Variants in CC2D2B observed in about 807,000 individuals in gnomAD.
CC2D2B encodes protein CC2D2B.
In CC2D2B, 128 loss-of-function variants were observed where a neutral mutation model predicts 161.2. That is an observed-to-expected ratio of 0.79 (90% CI 0.69 to 0.92). The LOEUF (loss-of-function observed/expected upper bound fraction) is 0.92, where lower values mean the gene tolerates loss of function less well. Ranked by LOEUF, CC2D2B falls within the 40% of genes least tolerant of loss-of-function variation. The probability of loss-of-function intolerance (pLI) is 0.00; values close to 1 mark genes in which losing one functional copy is unlikely to be tolerated. For missense variants in CC2D2B, 1,173 were observed against 1,375.1 expected (o/e 0.85, Z 2.32); for synonymous variants, 391 against 449.8 (o/e 0.87, Z 1.65).
At chr10:95,989,089 A>G (rs1021629757) in intron 20 of CC2D2B, among the ~76,000 whole-genome samples, 1 of 152,196 alleles carries the variant, frequency 6.6e-6, no homozygotes, top group Non-Finnish European at 1.5e-5. Flanking sequence ...TTGCAGGGTA[A>G]TTTGAAAAGA....
chr10:95,987,546 A>G (rs1022594941), intron 19 of CC2D2B, among the ~76,000 whole-genome samples: 2 of 152,178 alleles, frequency 1.3e-5, no homozygotes, highest in African/African-American at 4.8e-5. Context: ...ATAATATAAA[A>G]TCATTTCCAA....
chr10:95,975,111 G>A (rs565473463), intron 17 of CC2D2B, among the ~76,000 whole-genome samples: 3 of 152,120 alleles, frequency 2.0e-5, no homozygotes, highest in Non-Finnish European at 4.4e-5. Flanking sequence ...GGGTACATGG[G>A]AACTCTCTGT....
At chr10:96,031,682 A>G in intron 34 of CC2D2B, 138 bp from the exon 35 acceptor site, 1 of 738,580 alleles carries the variant, frequency 1.4e-6, no homozygotes, top group Non-Finnish European at 2.3e-6. Flanking sequence ...CCTAGAACAT[A>G]ATTTGGCACC....
chr10:95,913,080 T>G (rs2098509395), intron 2 of CC2D2B, among the ~76,000 whole-genome samples: 1 of 152,116 alleles, frequency 6.6e-6, no homozygotes, highest in African/African-American at 2.4e-5. Context: ...ATTGTACTTA[T>G]TAACCTTCCC....
intron 17 of CC2D2B, among the ~76,000 whole-genome samples, chr10:95,981,374 T>C (rs1437676350): frequency 2.5e-5 from 3 of 121,594 alleles, no homozygotes; most frequent in Admixed American, 1.2e-4. Context: ...GCCTGGCAAC[T>C]GGCTACAGAG....
chr10:95,925,072 T>C (rs2098535995), intron 5 of CC2D2B, among the ~76,000 whole-genome samples: 1 of 152,220 alleles, frequency 6.6e-6, no homozygotes, highest in Non-Finnish European at 1.5e-5. Flanking sequence ...CATTACTTTT[T>C]ATCCTAAAAA....
In CC2D2B at chr10:95,955,479, A is replaced by G. The variant is rs779176124; in HGVS notation, c.1097A>G (p.Tyr366Cys). 1.2e-4 allele frequency: 46 copies of G among 398,256 alleles called. No individual in the cohort carries two copies. The highest frequency in any genetic ancestry group is 1.8e-4 in the Admixed American group (4 of 22,686). The allele number at this position is 398,256 out of a possible 1,614,324, so 24.7% of individuals were successfully genotyped here. ...ACCAGAAAATCTTTACAAGATTATTATTGGCAAATAAGGTAGGTTTTGAGC... is the reference window on the plus strand; with the variant it reads ...ACCAGAAAATCTTTACAAGATTATTGTTGGCAAATAAGGTAGGTTTTGAGC... ...QLTRKSLQDY[Y>C]WQISNTKQMY... The change falls in exon 11 of 35, where the codon TAT becomes TGT. Residue 366 changes from tyrosine (Y) to cysteine (C), a missense_variant. Transcript: ENST00000646931.
At chr10:95,999,831 T>A in intron 24 of CC2D2B, 1 of 465,108 alleles carries the variant, frequency 2.2e-6, no homozygotes, top group South Asian at 1.9e-5. Flanking sequence ...TCCCATTGGG[T>A]CTCACAAAGG....
Position 95,972,189 on chromosome 10 carries a change from A to G in CC2D2B, c.1768A>G (p.Met590Val), listed in dbSNP as rs758502247. ...AGAGTTTAGCTCTGATAAGCTGGTCATGCCTGCCGATGGAGAAGTAGGAAG... is the reference window on the plus strand; with the variant it reads ...AGAGTTTAGCTCTGATAAGCTGGTCGTGCCTGCCGATGGAGAAGTAGGAAG... ...YVEFSSDKLVMPADGEVGSNV... is the reference protein window; with the variant it reads ...YVEFSSDKLVVPADGEVGSNV... Residue 590 changes from methionine (M) to valine (V), a missense_variant, in exon 16 of 35, where the codon ATG becomes GTG. Met to Val is a conservative substitution (Grantham distance 21). Around this residue, in one of 3 missense-constraint regions of CC2D2B, gnomAD observed 277 missense variants for 420.6 expected, o/e 0.66. Coordinates refer to ENST00000646931, the MANE Select transcript of CC2D2B (RefSeq NM_001349008.3). 872 of 1,231,954 alleles carry G rather than the reference A, an allele frequency of 7.1e-4. No individual in the cohort carries two copies. Among genetic ancestry groups the G allele is most frequent in the Non-Finnish European group, 8.3e-4 (822 of 987,900 alleles). The allele number at this position is 1,231,954 out of a possible 1,614,324, so 76.3% of individuals were successfully genotyped here.
intron 5 of CC2D2B, among the ~76,000 whole-genome samples, chr10:95,926,294 A>G (rs1042007230): frequency 2.0e-5 from 3 of 152,142 alleles, no homozygotes; most frequent in African/African-American, 2.4e-5. Context: ...CACGATCCCA[A>G]TTACCACACA....
chr10:96,013,673 A>C (rs2079081881), intron 28 of CC2D2B, 115 bp from the exon 29 acceptor site: 3 of 573,738 alleles, frequency 5.2e-6, no homozygotes, highest in African/African-American at 2.0e-5. Flanking sequence ...TAGAATAATA[A>C]TAGTGTCTAC....
intron 33 of CC2D2B, among the ~76,000 whole-genome samples, chr10:96,025,189 A>ATATATATATATATATATATATAT: frequency 1.9e-5 from 1 of 53,778 alleles, no homozygotes; most frequent in South Asian, 6.1e-4. Flanking sequence ...ATATATAAAA[A>ATATATATATATATATATATATAT]AAAATATATA....
intron 6 of CC2D2B, among the ~76,000 whole-genome samples, chr10:95,935,943 C>T (rs1434922707): frequency 6.6e-6 from 1 of 152,176 alleles, no homozygotes; most frequent in Non-Finnish European, 1.5e-5. Flanking sequence ...ATGTTAGGCA[C>T]ACAATGAATA....
In CC2D2B at chr10:95,976,246, T is replaced by A. The variant is rs554814377; in HGVS notation, c.1943+2090T>A. ...TGTGTGGCCTACTGGTCTGCATACA[T>A]TCCCTCCACTTTCTGCTCACCCATT... On this transcript the variant is annotated intron_variant, in intron 17 of 34. Transcript: ENST00000646931. Among the ~76,000 whole-genome samples the A allele has an allele frequency of 1.1e-4, 16 of 152,260 alleles. No homozygotes were observed. In the East Asian group the frequency reaches 3.1e-3, roughly 29 times the overall value.
rs1335292637 is a variant in CC2D2B at position 95,991,381 on chromosome 10, GATA to G, written c.2394_2396del (p.Ile798del). 5 of 1,094,592 alleles carry G rather than the reference GATA, an allele frequency of 4.6e-6. No homozygotes were observed. The highest frequency in any genetic ancestry group is 4.6e-6 in the Non-Finnish European group (4 of 862,458). The allele number at this position is 1,094,592 out of a possible 1,614,324, so 67.8% of individuals were successfully genotyped here. Reference sequence around the variant, plus strand: ...TAAATTTTTTTTAGGTGAGAAGGTTGATAATGAAGAGAATTGTTAAAATTAGCA... The same window carrying G: ...TAAATTTTTTTTAGGTGAGAAGGTTGATGAAGAGAATTGTTAAAATTAGCA... On this transcript the variant is annotated inframe_deletion, in exon 21 of 35. Transcript: ENST00000646931.
chr10:95,969,120 G>A (rs2077037319), intron 15 of CC2D2B, among the ~76,000 whole-genome samples: 2 of 145,276 alleles, frequency 1.4e-5, no homozygotes, highest in East Asian at 1.9e-4. Flanking sequence ...CCAAATACTC[G>A]TCTCCTGCTA....
At chr10:96,001,221 T>C (rs1235123470) in intron 24 of CC2D2B, among the ~76,000 whole-genome samples, 3 of 152,196 alleles carry the variant, frequency 2.0e-5, no homozygotes, top group African/African-American at 4.8e-5. Context: ...ATTTCTCTCA[T>C]GAGCAGGTAT....
intron 26 of CC2D2B, among the ~76,000 whole-genome samples, chr10:96,011,678 C>A (rs1284381627): frequency 1.3e-5 from 2 of 151,992 alleles, no homozygotes; most frequent in Non-Finnish European, 2.9e-5. Context: ...TCCTAAGTAG[C>A]TGGGACCACA....
chr10:95,924,782 A>C lies in CC2D2B; in HGVS notation c.178A>C (p.Asn60His). Reference protein sequence around the residue: ...VREKLKISKINKGEKSSTEQL... With the variant: ...VREKLKISKIHKGEKSSTEQL... ...ATTTATTTATGTTGTGTTTCAGATT[A>C]ATAAAGGTGAAAAATCTTCAACTGA... Residue 60 changes from asparagine to histidine, a missense_variant, in exon 5 of 35, where the codon AAT (asparagine) becomes CAT (histidine). Physicochemically the swap from Asn to His is moderately conservative, Grantham distance 68 (BLOSUM62 1). Transcript: ENST00000646931. 6.5e-7 allele frequency: 1 copy of C among 1,529,284 alleles called. No homozygotes were observed. The highest frequency in any genetic ancestry group is 8.9e-7 in the Non-Finnish European group (1 of 1,126,976). The allele number at this position is 1,529,284 out of a possible 1,614,324, so 94.7% of individuals were successfully genotyped here.
Sources: allele counts gnomAD v4.1 joint callset (sites outside exome capture counted in the v4.1 genomes callset), GRCh38; gene constraint gnomAD v4.1.1; regional missense constraint gnomAD v4.1.1; transcripts MANE v1.5; gene names NCBI Gene and HGNC (gene_info 2026-07-23, HGNC 2026-07-21).